The following CDH13 variants were observed in gnomAD, a reference collection of about 807,000 sequenced individuals.
The protein encoded by CDH13 is cadherin 13.
CDH13 carries 24 observed loss-of-function variants against 63.8 expected under a neutral mutation model. The observed-to-expected ratio is 0.38, with a 90% CI of 0.27 to 0.53. The LOEUF is 0.53. Among genes scored for constraint, CDH13 ranks in the 20% least tolerant of loss-of-function variants. CDH13 has a pLI of 0.85. For missense variants in CDH13, 1,049 were observed against 903.1 expected, an observed-to-expected ratio of 1.16 and a Z score of -2.07; for synonymous variants, 503 against 355.3, an observed-to-expected ratio of 1.42 and a Z score of -4.67.
At chr16:82,924,257 T>G (rs768324061) in intron 2 of CDH13, among the ~76,000 whole-genome samples, 6 of 140,962 alleles carry the variant, frequency 4.3e-5, no homozygotes, top group Non-Finnish European at 6.5e-5. Flanking sequence ...TGTGGTTGCT[T>G]TATGATAATG....
chr16:82,892,464 C>T (rs1025809195), intron 2 of CDH13, among the ~76,000 whole-genome samples: 1 of 152,130 alleles, frequency 6.6e-6, no homozygotes, highest in African/African-American at 2.4e-5. Flanking sequence ...GTGCTGTCTG[C>T]CCTGAAAACA....
chr16:83,664,270 C>G (rs1178559937), intron 8 of CDH13, among the ~76,000 whole-genome samples: 2 of 152,082 alleles, frequency 1.3e-5, no homozygotes, highest in African/African-American at 2.4e-5. Context: ...CCTGACTATG[C>G]CTTTTCTACT....
At chr16:83,158,181 A>T (rs1321302953) in intron 4 of CDH13, among the ~76,000 whole-genome samples, 2 of 151,946 alleles carry the variant, frequency 1.3e-5, no homozygotes, top group Non-Finnish European at 2.9e-5. Context: ...CCCGGACAAC[A>T]AGGTCAGAGG....
At chr16:83,334,973 TG>T (rs1325907190) in intron 5 of CDH13, among the ~76,000 whole-genome samples, 4 of 152,160 alleles carry the variant, frequency 2.6e-5, no homozygotes, top group African/African-American at 7.2e-5. Context: ...GTAAGGGCAA[TG>T]TAAGTGTCAC....
intron 5 of CDH13, among the ~76,000 whole-genome samples, chr16:83,283,349 G>C (rs1028961552): frequency 1.3e-5 from 2 of 152,156 alleles, no homozygotes; most frequent in East Asian, 3.9e-4. Flanking sequence ...CTAGCAATTT[G>C]GGTGGCCGAG....
In CDH13 at chr16:83,489,691, T is replaced by C. The variant is rs2073966557; in HGVS notation, c.960+3036T>C. ...TAGGATTCACATGGATGCGATACTTTCTTCAGCAGGTTTGTGAGATTTTAT... is the reference window on the plus strand; with the variant it reads ...TAGGATTCACATGGATGCGATACTTCCTTCAGCAGGTTTGTGAGATTTTAT... On this transcript the variant is annotated intron_variant, in intron 7 of 13. Coordinates refer to ENST00000567109, the MANE Select transcript of CDH13 (RefSeq NM_001257.5). Among the ~76,000 whole-genome samples the C allele has an allele frequency of 2.0e-5, 3 of 152,318 alleles. No individual in the cohort carries two copies. In the South Asian group the frequency reaches 6.2e-4, roughly 32 times the overall value.
chr16:83,576,246 T>A (rs2150714028), intron 7 of CDH13, among the ~76,000 whole-genome samples: 1 of 152,376 alleles, frequency 6.6e-6, no homozygotes, highest in Non-Finnish European at 1.5e-5. Context: ...TCCATATAAA[T>A]GAACTCATTC....
At chr16:82,891,733 C>T (rs140482101) in intron 2 of CDH13, among the ~76,000 whole-genome samples, 13 of 152,286 alleles carry the variant, frequency 8.5e-5, no homozygotes, top group South Asian at 2.1e-4. Flanking sequence ...ACCTAAAGTA[C>T]ACATCACACT....
At chr16:83,197,818 T>TCACA (rs58704316) in intron 4 of CDH13, among the ~76,000 whole-genome samples, 3 of 149,006 alleles carry the variant, frequency 2.0e-5, no homozygotes, top group South Asian at 4.2e-4. Context: ...TCTGACACAT[T>TCACA]CACACACACA....
chr16:83,143,704 G>A (rs1279320352), intron 4 of CDH13, among the ~76,000 whole-genome samples: 1 of 152,062 alleles, frequency 6.6e-6, no homozygotes, highest in Non-Finnish European at 1.5e-5. Flanking sequence ...TCCTCTGCTG[G>A]GTGCTTCGTT....
chr16:83,016,855 C>T lies in CDH13; in HGVS notation c.158-15155C>T, dbSNP rs78200169. 1.7e-4 allele frequency among the ~76,000 whole-genome samples: 26 copies of T among 152,282 alleles called. No individual in the cohort carries two copies. In the East Asian group the frequency reaches 2.5e-3, roughly 15 times the overall value. On this transcript the variant is annotated intron_variant, in intron 2 of 13. Coordinates refer to ENST00000567109, the MANE Select transcript of CDH13 (RefSeq NM_001257.5). ...GATGCTCATCTACATACTGGCTACA[C>T]GTCATTTATGACATTTATGAAAACC...
At chr16:83,243,712 A>G (rs964309393) in intron 5 of CDH13, among the ~76,000 whole-genome samples, 1 of 152,160 alleles carries the variant, frequency 6.6e-6, no homozygotes, top group African/African-American at 2.4e-5. Context: ...GGACTATGTT[A>G]ATATTTAGGC....
intron 3 of CDH13, among the ~76,000 whole-genome samples, chr16:83,055,953 G>A (rs1451296555): frequency 6.6e-6 from 1 of 151,998 alleles, no homozygotes; most frequent in African/African-American, 2.4e-5. Flanking sequence ...GTAATATATG[G>A]GTCTATTACA....
chr16:82,853,805 A>G (rs755507692), intron 1 of CDH13, among the ~76,000 whole-genome samples: 1 of 152,218 alleles, frequency 6.6e-6, no homozygotes, highest in Non-Finnish European at 1.5e-5. Flanking sequence ...GAGTAAGACT[A>G]TGATTGCCGT....
At chr16:83,121,692 T>A (rs2035582751) in intron 3 of CDH13, among the ~76,000 whole-genome samples, 1 of 152,230 alleles carries the variant, frequency 6.6e-6, no homozygotes, top group Non-Finnish European at 1.5e-5. Flanking sequence ...ATAAATCATG[T>A]CTCACTAAAC....
chr16:83,200,342 G>A (rs960742012), intron 4 of CDH13, among the ~76,000 whole-genome samples: 1 of 152,164 alleles, frequency 6.6e-6, no homozygotes, highest in Non-Finnish European at 1.5e-5. Flanking sequence ...TTTTCTGAAA[G>A]TTAAGACTAA....
At chr16:83,356,212 A>ATGTGTGTGTGTGTG (rs10525181) in intron 6 of CDH13, among the ~76,000 whole-genome samples, 5 of 138,762 alleles carry the variant, frequency 3.6e-5, no homozygotes, top group South Asian at 2.8e-4. Context: ...ATTTATTTTC[A>ATGTGTGTGTGTGTG]TGTGTGTGTG....
chr16:83,191,530 CATATATATATATATATAT>C (rs71376303), intron 4 of CDH13, among the ~76,000 whole-genome samples: 1 of 74,380 alleles, frequency 1.3e-5, no homozygotes, highest in Non-Finnish European at 2.4e-5. Context: ...CACACACACA[CATATATATATATATATAT>C]ATATATATAC....
chr16:83,658,775 C>G (rs1346435763), intron 8 of CDH13, among the ~76,000 whole-genome samples: 35 of 147,652 alleles, frequency 2.4e-4, no homozygotes, highest in African/African-American at 7.8e-4. Context: ...ATATCCTCAC[C>G]AGCAAGGTCT....
Sources: gnomAD v4.1 joint callset for allele counts (sites outside exome capture counted in the v4.1 genomes callset) on GRCh38, gnomAD v4.1.1 for gene constraint, MANE v1.5 for transcripts, NCBI Gene and HGNC (gene_info 2026-07-23, HGNC 2026-07-21) for gene names.